Variants in ZBTB44 observed in about 807,000 individuals in gnomAD.
The protein encoded by ZBTB44 is zinc finger and BTB domain containing 44.
Under a neutral mutation model 54.0 loss-of-function variants are expected in ZBTB44, and 15 were observed. The observed-to-expected ratio is 0.28, with a 90% CI of 0.19 to 0.43. The LOEUF is 0.43. Among genes scored for constraint, ZBTB44 ranks in the 20% least tolerant of loss-of-function variants. ZBTB44 has a pLI of 1.00. For missense variants in ZBTB44, 487 were observed against 707.1 expected (o/e 0.69, Z 3.53); for synonymous variants, 230 against 250.1 (o/e 0.92, Z 0.76).
chr11:130,268,591 T>C (rs1939430239), intron 1 of ZBTB44, among the ~76,000 whole-genome samples: 1 of 152,060 alleles, frequency 6.6e-6, no homozygotes, highest in Non-Finnish European at 1.5e-5. Context: ...TATTTTATTT[T>C]ATTTTGAGAC....
chr11:130,234,176 G>C lies in ZBTB44; in HGVS notation c.1666C>G (p.Gln556Glu). 1.3e-6 allele frequency: 2 copies of C among 1,540,344 alleles called. No homozygotes were observed. The highest frequency in any genetic ancestry group is 1.2e-5 in the South Asian group (1 of 83,126). ...GAGACCTGTGAAATGACAGGCATTT[G>C]AACAGAGGAGTTGCTTTCAAAACCG... Reference protein sequence around the residue: ...EHGFESNSSVQMPVISQYHSK... With the variant: ...EHGFESNSSVEMPVISQYHSK... Residue 556 changes from glutamine (Q) to glutamate (E), a missense_variant, in exon 6 of 8, where the codon CAA becomes GAA. Transcript: ENST00000357899.
chr11:130,304,951 T>C (rs1206290732), intron 1 of ZBTB44, among the ~76,000 whole-genome samples: 4 of 152,168 alleles, frequency 2.6e-5, no homozygotes, highest in Non-Finnish European at 5.9e-5. Flanking sequence ...AGCACTGCTA[T>C]ACACCAATGA....
In ZBTB44 at chr11:130,261,113, A is replaced by G; in HGVS notation, c.761T>C (p.Leu254Ser). The G allele has an allele frequency of 6.2e-7, 1 of 1,613,982 alleles. No homozygotes were observed. The highest frequency in any genetic ancestry group is 8.5e-7 in the Non-Finnish European group (1 of 1,179,886). ...GGTCTCAGATGGGCCAGGTAATTCTAAAGTCCGGGTATTTTCTGCTTGCTT... is the reference window on the plus strand; with the variant it reads ...GGTCTCAGATGGGCCAGGTAATTCTGAAGTCCGGGTATTTTCTGCTTGCTT... Reference protein sequence around the residue: ...KVKQAENTRTLELPGPSETGR... With the variant: ...KVKQAENTRTSELPGPSETGR... Residue 254 changes from leucine to serine, a missense_variant, in exon 2 of 8, where the codon TTA (leucine) becomes TCA (serine). This residue lies in a region of ZBTB44 where 277 missense variants were observed against 306.5 expected (regional missense o/e 0.90). Coordinates refer to ENST00000357899, the MANE Select transcript of ZBTB44 (RefSeq NM_001301098.2). This position sits in a 1 kb window ranked among gnomAD's most constrained non-coding sequence, Gnocchi z 4.8.
intron 1 of ZBTB44, among the ~76,000 whole-genome samples, chr11:130,272,554 T>C (rs1378203708): frequency 6.6e-6 from 1 of 152,248 alleles, no homozygotes; most frequent in Non-Finnish European, 1.5e-5. Context: ...GGTTGTCTTT[T>C]ATGACGGTGT....
chr11:130,279,330 C>G, intron 1 of ZBTB44, among the ~76,000 whole-genome samples: 1 of 146,462 alleles, frequency 6.8e-6, no homozygotes, highest in East Asian at 2.0e-4. Context: ...AAAAAAAAAG[C>G]CCTGGGTTTA....
intron 1 of ZBTB44, among the ~76,000 whole-genome samples, chr11:130,291,293 C>G (rs1397113567): frequency 6.6e-6 from 1 of 152,132 alleles, no homozygotes; most frequent in African/African-American, 2.4e-5. Context: ...CGCGTGCCAC[C>G]ATACCCAGCT....
intron 1 of ZBTB44, among the ~76,000 whole-genome samples, chr11:130,279,660 A>AAACCAACCAACCAACCAACCAACC (rs112723247): frequency 4.0e-5 from 6 of 151,672 alleles, no homozygotes; most frequent in South Asian, 2.1e-4. Context: ...CTCTGTCTCA[A>AAACCAACCAACCAACCAACCAACC]AACCAACCAA....
chr11:130,240,691 C>T (rs1954326221), intron 2 of ZBTB44, among the ~76,000 whole-genome samples: 1 of 152,190 alleles, frequency 6.6e-6, no homozygotes, highest in African/African-American at 2.4e-5. Flanking sequence ...ATCATAAACC[C>T]CTCCCTTCTC....
Position 130,231,221 on chromosome 11 carries a change from C to T in ZBTB44, c.*543G>A, listed in dbSNP as rs1048276812. 2 of 152,034 alleles carry T rather than the reference C, an allele frequency of 1.3e-5. No individual in the cohort carries two copies. The highest frequency in any genetic ancestry group is 4.8e-5 in the African/African-American group (2 of 41,406). 9.4% of individuals were successfully genotyped at this position (152,034 alleles called of 1,614,324 possible). On this transcript the variant is annotated 3_prime_UTR_variant, in exon 8 of 8. Transcript: ENST00000357899. The stretch of plus-strand genomic sequence containing the variant: ...AATACTACTATATATACAATTATCC[C>T]TTGCAAATCTGTTTCCTAAAACAGA...
chr11:130,237,401 T>C (rs1156408681), intron 4 of ZBTB44, among the ~76,000 whole-genome samples: 1 of 152,198 alleles, frequency 6.6e-6, no homozygotes, highest in Non-Finnish European at 1.5e-5. Context: ...TTAACTACAG[T>C]ATGTAGACAG....
At chr11:130,244,479 A>T (rs1325345202) in intron 2 of ZBTB44, among the ~76,000 whole-genome samples, 1 of 152,068 alleles carries the variant, frequency 6.6e-6, no homozygotes, top group Admixed American at 6.5e-5. Flanking sequence ...CATCCTGGCT[A>T]ACACGGTGAA....
intron 6 of ZBTB44, 115 bp downstream of exon 6, chr11:130,234,041 T>C: frequency 6.5e-7 from 1 of 1,529,022 alleles, no homozygotes; most frequent in Non-Finnish European, 8.8e-7. Context: ...TCATCTCTGG[T>C]TGCCTCAGCA....
intron 1 of ZBTB44, among the ~76,000 whole-genome samples, chr11:130,279,637 C>A (rs1188047261): frequency 6.6e-6 from 1 of 151,390 alleles, no homozygotes; most frequent in Non-Finnish European, 1.5e-5. Flanking sequence ...TCAGCCTGGA[C>A]AACAGAGCGA....
chr11:130,313,246 T>C (rs1269242201), intron 1 of ZBTB44, among the ~76,000 whole-genome samples: 2 of 152,240 alleles, frequency 1.3e-5, no homozygotes, highest in Non-Finnish European at 2.9e-5. Flanking sequence ...GTCACTTCTA[T>C]AAAATTCAAG....
At chr11:130,248,235 G>A (rs1259996730) in intron 2 of ZBTB44, among the ~76,000 whole-genome samples, 1 of 152,146 alleles carries the variant, frequency 6.6e-6, no homozygotes, top group East Asian at 1.9e-4. Context: ...TTTACTGACT[G>A]CCTTCAATAC....
intron 1 of ZBTB44, among the ~76,000 whole-genome samples, chr11:130,266,372 T>G (rs1468944331): frequency 6.6e-6 from 1 of 152,248 alleles, no homozygotes. Flanking sequence ...CTGATGAGGA[T>G]GTACATGACT....
chr11:130,262,775 T>C (rs573424396), intron 1 of ZBTB44, among the ~76,000 whole-genome samples: 1 of 150,524 alleles, frequency 6.6e-6, no homozygotes, highest in South Asian at 2.1e-4. Flanking sequence ...TTTAAAAAGG[T>C]TGCCAGGTGT....
chr11:130,302,051 C>CA lies in ZBTB44; in HGVS notation c.-57+12323dup, dbSNP rs35397908. ...TAGGCGACAGAGGGAGACCCTGTCT[C>CA]AAAAAAAAAAAAAAAAGTAATAATA... On this transcript the variant is annotated intron_variant, in intron 1 of 7. Transcript: ENST00000357899. Among the ~76,000 whole-genome samples, 569 of 87,604 alleles carry CA rather than the reference C, an allele frequency of 6.5e-3. 3 individuals are homozygous for CA. The highest frequency in any genetic ancestry group is 0.016 in the Middle Eastern group (2 of 122). 57.5% of individuals were successfully genotyped at this position (87,604 alleles called of 152,430 possible).
intron 1 of ZBTB44, among the ~76,000 whole-genome samples, chr11:130,298,418 T>C (rs926810863): frequency 6.6e-6 from 1 of 151,710 alleles, no homozygotes; most frequent in Non-Finnish European, 1.5e-5. Context: ...GTGCTGAGAT[T>C]ACAGGTGTGA....
Sources: allele counts gnomAD v4.1 joint callset (sites outside exome capture counted in the v4.1 genomes callset), GRCh38; gene constraint gnomAD v4.1.1; regional missense constraint gnomAD v4.1.1; non-coding constraint Gnocchi (gnomAD v3.1); transcripts MANE v1.5; gene names NCBI Gene and HGNC (gene_info 2026-07-23, HGNC 2026-07-21).